CLCA4: variants seen among roughly 807,000 people sequenced by gnomAD.
The protein encoded by CLCA4 is calcium-activated chloride channel regulator 4.
Under a neutral mutation model 78.9 loss-of-function variants are expected in CLCA4, and 69 were observed. The observed-to-expected ratio is 0.87, with a 90% CI of 0.72 to 1.07. The LOEUF is 1.07. Among genes scored for constraint, CLCA4 ranks in the 50% least tolerant of loss-of-function variants. The probability of loss-of-function intolerance (pLI) is 0.00; values close to 1 mark genes in which losing one functional copy is unlikely to be tolerated. For synonymous variants in CLCA4, 362 were observed against 375.8 expected (o/e 0.96, Z 0.42); for missense variants, 1,133 against 1,095.8 (o/e 1.03, Z -0.48).
At chr1:86,575,684 C>T (rs1222259696) in intron 11 of CLCA4, 85 bp downstream of exon 11, 2 of 1,226,960 alleles carry the variant, frequency 1.6e-6, no homozygotes, top group African/African-American at 3.0e-5. Flanking sequence ...AGCAGTAAGA[C>T]AGGCAACAGA....
rs754507992 is a variant in CLCA4, at chr1:86,560,264, C to G, written c.354C>G (p.Thr118=). 29 of 1,613,856 alleles carry G rather than the reference C, an allele frequency of 1.8e-5. No homozygotes were observed. Among genetic ancestry groups the G allele is most frequent in the Non-Finnish European group, 2.2e-5 (26 of 1,179,910 alleles). ...PTLPGRDEPY[T]KQFTECGEKG... ...TCCCAGGTAGAGATGAACCATACACCAAGCAGTTCACAGAATGTGGAGAGA... is the reference window on the plus strand; with the variant it reads ...TCCCAGGTAGAGATGAACCATACACGAAGCAGTTCACAGAATGTGGAGAGA... The change falls in exon 3 of 14, where the codon ACC becomes ACG. Residue 118 remains threonine, a synonymous_variant. Coordinates refer to ENST00000370563, the MANE Select transcript of CLCA4 (RefSeq NM_012128.4).
chr1:86,554,221 C>T (rs1307555583), intron 1 of CLCA4, among the ~76,000 whole-genome samples: 1 of 152,114 alleles, frequency 6.6e-6, no homozygotes, highest in Non-Finnish European at 1.5e-5. Context: ...ATTTACCTCC[C>T]ATTATAAGTG....
intron 8 of CLCA4, among the ~76,000 whole-genome samples, chr1:86,571,640 A>C (rs1650353789): frequency 6.6e-6 from 1 of 151,994 alleles, no homozygotes; most frequent in African/African-American, 2.4e-5. Context: ...AAAGATGATC[A>C]AGTCATGAGC....
intron 11 of CLCA4, 141 bp downstream of exon 11, chr1:86,575,740 A>G: frequency 1.3e-6 from 1 of 774,130 alleles, no homozygotes; most frequent in East Asian, 2.5e-5. Flanking sequence ...AGGAAATTTT[A>G]TCTAGGTAAA....
At chr1:86,549,500 A>G (rs890393706) in intron 1 of CLCA4, among the ~76,000 whole-genome samples, 6 of 152,114 alleles carry the variant, frequency 3.9e-5, no homozygotes, top group Admixed American at 2.6e-4. Flanking sequence ...AATATTAAGG[A>G]CTGTAAAGAA....
intron 6 of CLCA4, among the ~76,000 whole-genome samples, chr1:86,566,756 G>A (rs1278387375): frequency 6.6e-6 from 1 of 151,978 alleles, no homozygotes; most frequent in Non-Finnish European, 1.5e-5. Context: ...GATCAGTAGG[G>A]TGATAAGGAC....
intron 1 of CLCA4, among the ~76,000 whole-genome samples, chr1:86,548,684 G>GAA (rs10615856): frequency 7.4e-5 from 7 of 94,136 alleles, no homozygotes; most frequent in Admixed American, 1.3e-4. Context: ...TCCCTCTCTG[G>GAA]AAAAAAAAAA....
intron 10 of CLCA4, 68 bp downstream of exon 10, chr1:86,574,823 A>G (rs546187317): frequency 1.7e-6 from 2 of 1,188,708 alleles, no homozygotes; most frequent in Admixed American, 3.5e-5. Flanking sequence ...GTTTAATGTC[A>G]TAAATGTCAG....
chr1:86,568,082 T>G (rs940804144), intron 7 of CLCA4, among the ~76,000 whole-genome samples: 1 of 151,914 alleles, frequency 6.6e-6, no homozygotes, highest in Non-Finnish European at 1.5e-5. Context: ...TTATTATACC[T>G]CTTAAAGCAG....
intron 1 of CLCA4, among the ~76,000 whole-genome samples, chr1:86,556,746 T>C (rs1378325406): frequency 6.6e-6 from 1 of 152,220 alleles, no homozygotes; most frequent in Non-Finnish European, 1.5e-5. Flanking sequence ...TTTGGAATAG[T>C]TTCAGTAGGA....
chr1:86,579,616 C>A (rs778880128), intron 13 of CLCA4, 29 bp downstream of exon 13: 2 of 1,109,918 alleles, frequency 1.8e-6, no homozygotes, highest in Non-Finnish European at 2.6e-6. Context: ...GTGATTTTGA[C>A]TTAAGTAAAA....
chr1:86,549,831 C>T (rs1009225557), intron 1 of CLCA4, among the ~76,000 whole-genome samples: 5 of 152,106 alleles, frequency 3.3e-5, no homozygotes, highest in African/African-American at 1.2e-4. Flanking sequence ...TATGTTACTT[C>T]TGAAAACATC....
At chr1:86,552,816 G>A in intron 1 of CLCA4, 1 of 962,010 alleles carries the variant, frequency 1.0e-6, no homozygotes, top group East Asian at 2.4e-5. Flanking sequence ...GCTCTTCCAT[G>A]TAGCGGGGGA....
At chr1:86,559,844 T>A in intron 1 of CLCA4, 88 bp from the exon 2 acceptor site, 1 of 1,053,036 alleles carries the variant, frequency 9.5e-7, no homozygotes, top group Non-Finnish European at 1.4e-6. Flanking sequence ...CTGTCCACTC[T>A]TAAGTTGGGA....
intron 3 of CLCA4, among the ~76,000 whole-genome samples, chr1:86,560,680 TA>T: frequency 6.6e-6 from 1 of 152,262 alleles, no homozygotes; most frequent in Non-Finnish European, 1.5e-5. Flanking sequence ...GCATGCTTTT[TA>T]AATTTTAATT....
In CLCA4 at chr1:86,578,025, G is replaced by T. The variant is rs763955421; in HGVS notation, c.2075G>T (p.Arg692Leu). Residue 692 changes from arginine to leucine, a missense_variant, in exon 12 of 14, where the codon CGG (arginine) becomes CTG (leucine). Arg to Leu is a moderately radical substitution (Grantham distance 102). Transcript: ENST00000370563. The stretch of plus-strand genomic sequence containing the variant: ...GCAAACACTGCCAGGCTAAAATTAC[G>T]GCCTCCACTGAATAGAGCCGCGTAC... ...GGANTARLKL[R>L]PPLNRAAYIP... 6.2e-7 allele frequency: 1 copy of T among 1,612,616 alleles called. No homozygotes were observed. Among genetic ancestry groups the T allele is most frequent in the Non-Finnish European group, 8.5e-7 (1 of 1,179,290 alleles).
intron 9 of CLCA4, chr1:86,573,017 C>A: frequency 3.1e-6 from 1 of 324,918 alleles, no homozygotes; most frequent in Admixed American, 4.4e-5. Context: ...GGACCTTTTC[C>A]AAAATAAAGC....
Position 86,567,518 on chromosome 1 carries a change from A to G in CLCA4, c.1049A>G (p.Asp350Gly). The change falls in exon 7 of 14, where the codon GAT (aspartate) becomes GGT (glycine). Residue 350 changes from aspartate (D) to glycine (G), a missense_variant. Physicochemically the swap from Asp to Gly is moderately conservative, Grantham distance 94. Coordinates refer to ENST00000370563, the MANE Select transcript of CLCA4 (RefSeq NM_012128.4). ...TCCTGGGTGGGGATGGTTCACTTTG[A>G]TAGTACTGCCACTATTGTAAATAAG... ...NGSWVGMVHF[D>G]STATIVNKLI... The G allele has an allele frequency of 6.2e-7, 1 of 1,613,358 alleles. No homozygotes were observed. The highest frequency in any genetic ancestry group is 8.5e-7 in the Non-Finnish European group (1 of 1,179,450).
chr1:86,553,448 C>G (rs1463042467), intron 1 of CLCA4: 2 of 363,860 alleles, frequency 5.5e-6, no homozygotes, highest in African/African-American at 2.1e-5. Context: ...AGCAAGCTGT[C>G]GAAGCCTTTG....
Sources: gnomAD v4.1 joint callset for allele counts (sites outside exome capture counted in the v4.1 genomes callset) on GRCh38, gnomAD v4.1.1 for gene constraint, MANE v1.5 for transcripts, NCBI Gene and HGNC (gene_info 2026-07-23, HGNC 2026-07-21) for gene names.